The following GALNT17 variants were observed in gnomAD, a reference collection of about 807,000 sequenced individuals.
The protein encoded by GALNT17 is UDP-GalNAc:polypeptide N-acetylgalactosaminyltransferase-like 3.
GALNT17 carries 29 observed loss-of-function variants against 63.7 expected under a neutral mutation model. The ratio of observed to expected loss-of-function variants is 0.46; its 90% CI spans 0.34 to 0.62. The LOEUF (loss-of-function observed/expected upper bound fraction) is 0.62, where lower values mean the gene tolerates loss of function less well. Among genes scored for constraint, GALNT17 ranks in the 20% least tolerant of loss-of-function variants. GALNT17 has a pLI of 0.01. For missense variants in GALNT17, 603 were observed against 799.6 expected (o/e 0.75, Z 2.97); for synonymous variants, 305 against 318.3 (o/e 0.96, Z 0.45).
intron 1 of GALNT17, among the ~76,000 whole-genome samples, chr7:71,247,820 A>G (rs1210142511): frequency 6.6e-6 from 1 of 152,232 alleles, no homozygotes; most frequent in African/African-American, 2.4e-5. Flanking sequence ...CATACTATGT[A>G]TGTCATATGT....
chr7:71,384,055 A>G (rs1359038506), intron 2 of GALNT17, among the ~76,000 whole-genome samples: 2 of 152,226 alleles, frequency 1.3e-5, no homozygotes, highest in South Asian at 4.2e-4. Context: ...CCTTCCATCA[A>G]CAGTGCACAA....
chr7:71,139,733 C>CT (rs1787851594), intron 1 of GALNT17, among the ~76,000 whole-genome samples: 1 of 152,266 alleles, frequency 6.6e-6, no homozygotes, highest in Admixed American at 6.5e-5. Flanking sequence ...TGGCTCAAGC[C>CT]TGTAATCCCA....
Position 71,677,293 on chromosome 7 carries a change from G to A in GALNT17, c.1487G>A (p.Gly496Asp). The change falls in exon 9 of 11, where the codon GGC becomes GAC. Residue 496 changes from glycine to aspartate, a missense_variant. Physicochemically the swap from Gly to Asp is moderately conservative, Grantham distance 94 (BLOSUM62 -1). Around this residue, in one of 3 missense-constraint regions of GALNT17, gnomAD observed 336 missense variants for 507.8 expected, o/e 0.66. Coordinates refer to ENST00000333538, the MANE Select transcript of GALNT17 (RefSeq NM_022479.3). ...ACAGCAATATTGTATCCGTGCCATGGCTGGGGACCACAGGTAGGAGCTCGT... is the reference window on the plus strand; with the variant it reads ...ACAGCAATATTGTATCCGTGCCATGACTGGGGACCACAGGTAGGAGCTCGT... ...NHTAILYPCH[G>D]WGPQLARYTK... 1 of 1,613,852 alleles carries A rather than the reference G, an allele frequency of 6.2e-7. No homozygotes were observed. Among genetic ancestry groups the A allele is most frequent in the Non-Finnish European group, 8.5e-7 (1 of 1,179,870 alleles).
At chr7:71,391,040 G>T (rs1366342650) in intron 3 of GALNT17, among the ~76,000 whole-genome samples, 2 of 152,198 alleles carry the variant, frequency 1.3e-5, no homozygotes, top group South Asian at 4.1e-4. Context: ...CTAGCATGTG[G>T]TGTGTCTGCA....
chr7:71,149,881 C>T (rs961733880), intron 1 of GALNT17, among the ~76,000 whole-genome samples: 1 of 152,132 alleles, frequency 6.6e-6, no homozygotes, highest in Admixed American at 6.6e-5. Flanking sequence ...TTTAATTGGG[C>T]AAGATCTAGT....
chr7:71,676,307 C>T (rs35487221), intron 8 of GALNT17, among the ~76,000 whole-genome samples: 4,941 of 152,186 alleles, frequency 0.032, 88 homozygotes, highest in Middle Eastern at 0.058. Flanking sequence ...CTTAGTACAG[C>T]ATAGGTATCA....
intron 6 of GALNT17, among the ~76,000 whole-genome samples, chr7:71,646,465 A>C (rs572539101): frequency 6.6e-6 from 1 of 152,244 alleles, no homozygotes; most frequent in African/African-American, 2.4e-5. Context: ...AGTAGAATGG[A>C]GAGTGGATTC....
At chr7:71,470,018 A>T (rs1301500085) in intron 5 of GALNT17, among the ~76,000 whole-genome samples, 1 of 152,172 alleles carries the variant, frequency 6.6e-6, no homozygotes, top group African/African-American at 2.4e-5. Flanking sequence ...AGACCAGCCT[A>T]GCCAACATGG....
intron 1 of GALNT17, among the ~76,000 whole-genome samples, chr7:71,250,038 A>G (rs1179448611): frequency 6.6e-6 from 1 of 152,228 alleles, no homozygotes; most frequent in Non-Finnish European, 1.5e-5. Flanking sequence ...ATGAGTTTTT[A>G]TAAATTAAAT....
intron 9 of GALNT17, among the ~76,000 whole-genome samples, chr7:71,691,876 TTTCCTTCCTTTC>T (rs1335812581): frequency 3.6e-5 from 1 of 27,562 alleles, no homozygotes. Context: ...CTTTCCTTTC[TTTCCTTCCTTTC>T]TTCCTTCCTT....
intron 1 of GALNT17, among the ~76,000 whole-genome samples, chr7:71,147,654 C>T (rs188964961): frequency 9.7e-4 from 147 of 151,362 alleles, no homozygotes; most frequent in African/African-American, 3.2e-3. Flanking sequence ...TTTTTTTAGA[C>T]GGAGTCTCAC....
chr7:71,679,372 T>C (rs1402678887), intron 9 of GALNT17, among the ~76,000 whole-genome samples: 1 of 152,086 alleles, frequency 6.6e-6, no homozygotes, highest in East Asian at 1.9e-4. Flanking sequence ...CACTCCTGGG[T>C]GACAGAGTGA....
chr7:71,157,548 C>G (rs1170052471), intron 1 of GALNT17, among the ~76,000 whole-genome samples: 1 of 151,648 alleles, frequency 6.6e-6, no homozygotes, highest in East Asian at 1.9e-4. Flanking sequence ...ATCCCAGCTA[C>G]TCAAGAGACT....
chr7:71,712,212 C>A lies in GALNT17; in HGVS notation c.*66C>A. 6.4e-7 allele frequency: 1 copy of A among 1,569,642 alleles called. No individual in the cohort carries two copies. On this transcript the variant is annotated 3_prime_UTR_variant, in exon 11 of 11. Transcript: ENST00000333538. The stretch of plus-strand genomic sequence containing the variant: ...TGGCTGCTCCCCCCAACATCTGGAC[C>A]AGCTGCCCTGGCGGAGAGACAGCAA...
At chr7:71,457,449 C>T (rs73365659) in intron 5 of GALNT17, among the ~76,000 whole-genome samples, 6,445 of 152,080 alleles carry the variant, frequency 0.042, 247 homozygotes, top group African/African-American at 0.1. Context: ...AGGACAAGTC[C>T]GTAGAGTAAA....
chr7:71,517,908 C>T (rs1156914932), intron 5 of GALNT17, among the ~76,000 whole-genome samples: 4 of 152,062 alleles, frequency 2.6e-5, no homozygotes, highest in African/African-American at 7.2e-5. Flanking sequence ...ACATGGGGAC[C>T]ACTGCAGGTG....
chr7:71,453,656 A>G (rs1443163577), intron 5 of GALNT17, among the ~76,000 whole-genome samples: 1 of 152,220 alleles, frequency 6.6e-6, no homozygotes, highest in Non-Finnish European at 1.5e-5. Context: ...CCATATCAAC[A>G]ATATTCATGG....
intron 5 of GALNT17, among the ~76,000 whole-genome samples, chr7:71,466,373 A>G (rs78122029): frequency 0.13 from 19,771 of 152,200 alleles, 1,924 homozygotes; most frequent in East Asian, 0.54. Context: ...TAAGACTGAC[A>G]AAACAGACTC....
chr7:71,463,154 A>G (rs1035585513), intron 5 of GALNT17, among the ~76,000 whole-genome samples: 6 of 152,212 alleles, frequency 3.9e-5, no homozygotes, highest in South Asian at 2.1e-4. Context: ...AAGCATCTCT[A>G]TATTCTCAGG....
Sources: allele counts gnomAD v4.1 joint callset (sites outside exome capture counted in the v4.1 genomes callset), GRCh38; gene constraint gnomAD v4.1.1; regional missense constraint gnomAD v4.1.1; transcripts MANE v1.5; gene names NCBI Gene and HGNC (gene_info 2026-07-23, HGNC 2026-07-21).